Variants in BUB1B observed in about 807,000 individuals in gnomAD.
BUB1B encodes BUB1 mitotic checkpoint serine/threonine kinase B, also known as mitotic checkpoint serine/threonine-protein kinase BUB1 beta.
Under a neutral mutation model 137.7 loss-of-function variants are expected in BUB1B, and 86 were observed. That is an observed-to-expected ratio of 0.62 (90% confidence interval 0.52 to 0.75). The LOEUF (loss-of-function observed/expected upper bound fraction) is 0.75, where lower values mean the gene tolerates loss of function less well. Among genes scored for constraint, BUB1B ranks in the 30% least tolerant of loss-of-function variants. The pLI is 0.00. For missense variants in BUB1B, 1,130 were observed against 1,236.9 expected (o/e 0.91, Z 1.30); for synonymous variants, 420 against 417.9 (o/e 1.00, Z -0.06).
chr15:40,204,384 T>G (rs1282035457), intron 14 of BUB1B, among the ~76,000 whole-genome samples: 1 of 151,742 alleles, frequency 6.6e-6, no homozygotes, highest in Non-Finnish European at 1.5e-5. Context: ...ACAGTGGTTC[T>G]AGATTCAGCT....
At chr15:40,176,208 C>T (rs1383737917) in intron 4 of BUB1B, among the ~76,000 whole-genome samples, 5 of 152,160 alleles carry the variant, frequency 3.3e-5, no homozygotes, top group South Asian at 4.1e-4. Context: ...ACTCCTACCT[C>T]GGCCTCACAA....
intron 8 of BUB1B, among the ~76,000 whole-genome samples, chr15:40,192,992 A>G (rs2140896123): frequency 6.6e-6 from 1 of 151,788 alleles, no homozygotes; most frequent in Non-Finnish European, 1.5e-5. Flanking sequence ...CTGGGACTAC[A>G]GGTGCATGCC....
chr15:40,190,916 C>T (rs2037428884), intron 8 of BUB1B, among the ~76,000 whole-genome samples: 1 of 147,420 alleles, frequency 6.8e-6, no homozygotes, highest in Non-Finnish European at 1.5e-5. Flanking sequence ...GAGACCGAGT[C>T]TCACTCTGTT....
chr15:40,189,941 A>G (rs1312801787), intron 8 of BUB1B, among the ~76,000 whole-genome samples: 2 of 152,024 alleles, frequency 1.3e-5, no homozygotes, highest in African/African-American at 2.4e-5. Flanking sequence ...TTTGATTTGC[A>G]TTTTCCTGGT....
chr15:40,220,733 A>C lies in BUB1B; in HGVS notation c.3127A>C (p.Ser1043Arg), dbSNP rs2037891570. 6.2e-7 allele frequency: 1 copy of C among 1,614,086 alleles called. No homozygotes were observed. The highest frequency in any genetic ancestry group is 1.3e-5 in the African/African-American group (1 of 74,932). The change falls in exon 23 of 23, where the codon AGT becomes CGT. Residue 1043 changes from serine to arginine, a missense_variant. Transcript: ENST00000287598. ...CTTATGGAAGGTAGGGAAGTTAACT[A>C]GTCCTGGGGCTTTGCTCTTTCAGTG... Reference protein sequence around the residue: ...KALWKVGKLTSPGALLFQ With the variant: ...KALWKVGKLTRPGALLFQ
chr15:40,179,173 G>A lies in BUB1B; in HGVS notation c.581+2500G>A, dbSNP rs146208819. 5.6e-3 allele frequency among the ~76,000 whole-genome samples: 847 copies of A among 151,766 alleles called. 6 individuals carry two copies. Among genetic ancestry groups the A allele is most frequent in the Middle Eastern group, 0.017 (5 of 294 alleles). Reference sequence around the variant, plus strand: ...ATTTCCTTTTTTTTTTTCCAGGGAGGGAAGGGTGGAACAGGGATTTTCAGC... The same window carrying A: ...ATTTCCTTTTTTTTTTTCCAGGGAGAGAAGGGTGGAACAGGGATTTTCAGC... On this transcript the variant is annotated intron_variant, in intron 5 of 22. Coordinates refer to ENST00000287598, the MANE Select transcript of BUB1B (RefSeq NM_001211.6).
At chr15:40,198,609 C>T (rs1324500094) in intron 9 of BUB1B, among the ~76,000 whole-genome samples, 1 of 152,182 alleles carries the variant, frequency 6.6e-6, no homozygotes, top group Non-Finnish European at 1.5e-5. Context: ...CTTTGCGTTG[C>T]ACTTCCAAAT....
rs183190980 is a variant in BUB1B at position 40,186,264 on chromosome 15, G to A, written c.1058+622G>A. On this transcript the variant is annotated intron_variant, in intron 8 of 22. Coordinates refer to ENST00000287598, the MANE Select transcript of BUB1B (RefSeq NM_001211.6). Reference sequence around the variant, plus strand: ...CTCATTTTGTCATTGATAGTAATGAGAAATTATGATAGTTTTCCCTCTTAT... The same window carrying A: ...CTCATTTTGTCATTGATAGTAATGAAAAATTATGATAGTTTTCCCTCTTAT... Among the ~76,000 whole-genome samples, 14 of 152,172 alleles carry A rather than the reference G, an allele frequency of 9.2e-5. No individual in the cohort carries two copies. In the East Asian group the frequency reaches 2.5e-3, roughly 27 times the overall value.
At position 40,210,223 on chromosome 15, in the gene BUB1B, C is replaced by CT; in HGVS notation, c.2385+16dup. 6.4e-7 allele frequency: 1 copy of CT among 1,554,696 alleles called. No homozygotes were observed. ...AACAGTAATAAAGGTGGGACTGATT[C>CT]TTTATAATTTCAGTTACTTTGTAAA... is the stretch of plus-strand genomic sequence containing the variant. On this transcript the variant is annotated intron_variant, in intron 18 of 22. Coordinates refer to ENST00000287598, the MANE Select transcript of BUB1B (RefSeq NM_001211.6).
intron 5 of BUB1B, among the ~76,000 whole-genome samples, chr15:40,182,473 G>T (rs867218702): frequency 1.1e-4 from 17 of 152,184 alleles, no homozygotes; most frequent in Admixed American, 9.2e-4. Flanking sequence ...TTGTGTGGCT[G>T]TTGGTTCCAC....
intron 8 of BUB1B, among the ~76,000 whole-genome samples, chr15:40,186,254 A>G (rs1374197376): frequency 6.6e-6 from 1 of 152,090 alleles, no homozygotes; most frequent in African/African-American, 2.4e-5. Flanking sequence ...TTTGTCATTG[A>G]TAGTAATGAG....
intron 8 of BUB1B, among the ~76,000 whole-genome samples, chr15:40,187,933 C>G (rs984445401): frequency 2.6e-5 from 4 of 152,136 alleles, no homozygotes; most frequent in African/African-American, 9.7e-5. Flanking sequence ...AAAGAAAATC[C>G]TATGAGCCTT....
chr15:40,161,094 A>T lies in BUB1B; in HGVS notation c.-127A>T. ...GTGGGCTTGAGGTGGCCGGTTTGTT[A>T]GGGAGTCGTGTACGTGCCTTGGTCG... On this transcript the variant is annotated 5_prime_UTR_variant, in exon 1 of 23. Coordinates refer to ENST00000287598, the MANE Select transcript of BUB1B (RefSeq NM_001211.6). 2 of 1,281,834 alleles carry T rather than the reference A, an allele frequency of 1.6e-6. No homozygotes were observed. The highest frequency in any genetic ancestry group is 2.2e-6 in the Non-Finnish European group (2 of 926,102). 79.4% of individuals were successfully genotyped at this position (1,281,834 alleles called of 1,614,324 possible). A position where few individuals can be genotyped will look rare whatever the true frequency, so the allele number is the denominator to read the frequency against.
chr15:40,168,344 G>A (rs2037125205), intron 2 of BUB1B, among the ~76,000 whole-genome samples: 1 of 151,698 alleles, frequency 6.6e-6, no homozygotes, highest in African/African-American at 2.4e-5. Flanking sequence ...TCTAGCCTGG[G>A]TAGCAACAGC....
At position 40,183,865 on chromosome 15, in the gene BUB1B, G is replaced by A. The variant is rs1335600447; in HGVS notation, c.733G>A (p.Val245Ile). Residue 245 changes from valine to isoleucine, a missense_variant, in exon 6 of 23, where the codon GTA (valine) becomes ATA (isoleucine). Physicochemically the swap from Val to Ile is conservative, Grantham distance 29. Coordinates refer to ENST00000287598, the MANE Select transcript of BUB1B (RefSeq NM_001211.6). ...KKTARAPIIRVGGALKAPSQN... is the reference protein window; with the variant it reads ...KKTARAPIIRIGGALKAPSQN... ...GACAGCAAGAGCTCCAATCATCCGTGTAGGAGGTGCTCTCAAGGGTAAGTT... is the reference window on the plus strand; with the variant it reads ...GACAGCAAGAGCTCCAATCATCCGTATAGGAGGTGCTCTCAAGGGTAAGTT... The A allele has an allele frequency of 1.9e-6, 3 of 1,613,986 alleles. No homozygotes were observed. Among genetic ancestry groups the A allele is most frequent in the Non-Finnish European group, 2.5e-6 (3 of 1,179,950 alleles).
intron 20 of BUB1B, among the ~76,000 whole-genome samples, chr15:40,215,630 G>A (rs7164281): frequency 0.08 from 12,154 of 152,090 alleles, 1,588 homozygotes; most frequent in African/African-American, 0.28. Flanking sequence ...ATAGCCAGCC[G>A]TGGTGGCAGG....
intron 14 of BUB1B, among the ~76,000 whole-genome samples, chr15:40,205,224 G>A (rs908799706): frequency 6.6e-6 from 1 of 152,186 alleles, no homozygotes; most frequent in African/African-American, 2.4e-5. Flanking sequence ...TGGGATTACA[G>A]GCGTGAGCCA....
In BUB1B at chr15:40,200,236, G is replaced by T; in HGVS notation, c.1402-8G>T. 6.2e-7 allele frequency: 1 copy of T among 1,602,518 alleles called. No homozygotes were observed. The highest frequency in any genetic ancestry group is 8.5e-7 in the Non-Finnish European group (1 of 1,170,330). On this transcript the variant is annotated splice_polypyrimidine_tract_variant and splice_region_variant and intron_variant, in intron 10 of 22. Transcript: ENST00000287598. The stretch of plus-strand genomic sequence containing the variant: ...GGGACATTGATTTTGTTTATTTAAT[G>T]CAAACAGCAAGAAGAGACGATGCCT...
intron 10 of BUB1B, 122 bp downstream of exon 10, chr15:40,199,849 G>C: frequency 1.3e-6 from 1 of 781,916 alleles, no homozygotes; most frequent in Non-Finnish European, 2.1e-6. Flanking sequence ...TTTCTTAGCT[G>C]TTAGTAGCCG....
Sources: allele counts gnomAD v4.1 joint callset (sites outside exome capture counted in the v4.1 genomes callset), GRCh38; gene constraint gnomAD v4.1.1; transcripts MANE v1.5; gene names NCBI Gene and HGNC (gene_info 2026-07-23, HGNC 2026-07-21).